RANBP17: variants seen among roughly 807,000 people sequenced by gnomAD.
The protein encoded by RANBP17 is RAN binding protein 17, also known as ran-binding protein 17.
RANBP17 carries 158 observed loss-of-function variants against 141.2 expected under a neutral mutation model. That is an observed-to-expected ratio of 1.12 (90% CI 0.98 to 1.28). The LOEUF is 1.28. RANBP17 is among the 50% of genes most tolerant of loss of function. RANBP17 has a pLI of 0.00. For missense variants in RANBP17, 1,438 were observed against 1,290.7 expected (o/e 1.11, Z -1.75); for synonymous variants, 430 against 450.0 (o/e 0.96, Z 0.56).
intron 21 of RANBP17, among the ~76,000 whole-genome samples, chr5:171,216,171 T>G (rs528810405): frequency 2.0e-5 from 3 of 152,290 alleles, no homozygotes; most frequent in African/African-American, 7.2e-5. Context: ...TTTTTCTCCA[T>G]TGGTTGTTAT....
intron 14 of RANBP17, among the ~76,000 whole-genome samples, chr5:171,052,762 G>C (rs1437787584): frequency 6.6e-6 from 1 of 152,176 alleles, no homozygotes; most frequent in Non-Finnish European, 1.5e-5. Flanking sequence ...AAATGCCATT[G>C]AATTTTGATA....
chr5:170,909,689 A>G lies in RANBP17; in HGVS notation c.518A>G (p.His173Arg), dbSNP rs759433007. 6.3e-7 allele frequency: 1 copy of G among 1,594,286 alleles called. No individual in the cohort carries two copies. Among genetic ancestry groups the G allele is most frequent in the Non-Finnish European group, 8.6e-7 (1 of 1,165,356 alleles). Residue 173 changes from histidine (H) to arginine (R), a missense_variant, in exon 6 of 28, where the codon CAC (histidine) becomes CGC (arginine). Transcript: ENST00000523189. The stretch of plus-strand genomic sequence containing the variant: ...GATTATTCTAGACCTTCAGCAAAAC[A>G]CAGGAAAATAGCTACCTCATTTCGT... Reference protein sequence around the residue: ...LVDYSRPSAKHRKIATSFRDT... With the variant: ...LVDYSRPSAKRRKIATSFRDT...
At chr5:171,094,935 A>T (rs1786569998) in intron 14 of RANBP17, among the ~76,000 whole-genome samples, 2 of 152,038 alleles carry the variant, frequency 1.3e-5, no homozygotes, top group East Asian at 1.9e-4. Context: ...AGGAGGTGGG[A>T]TCTAATAAGA....
intron 25 of RANBP17, among the ~76,000 whole-genome samples, chr5:171,285,846 T>C (rs370828905): frequency 6.6e-5 from 10 of 152,356 alleles, no homozygotes; most frequent in African/African-American, 2.4e-4. Flanking sequence ...CTGCTTTCAT[T>C]GTGATGTGTG....
intron 20 of RANBP17, chr5:171,206,857 T>C (rs533248434): frequency 3.0e-4 from 55 of 183,770 alleles, no homozygotes; most frequent in Middle Eastern, 2.1e-3. Context: ...AATTTTTATG[T>C]CATTGAGTAA....
intron 22 of RANBP17, among the ~76,000 whole-genome samples, chr5:171,237,579 G>A (rs1481580282): frequency 6.6e-6 from 1 of 152,170 alleles, no homozygotes; most frequent in East Asian, 1.9e-4. Context: ...TATGGCAAAT[G>A]TACTCAGTGG....
At chr5:171,063,919 C>T (rs1000478533) in intron 14 of RANBP17, among the ~76,000 whole-genome samples, 3 of 152,242 alleles carry the variant, frequency 2.0e-5, no homozygotes, top group Non-Finnish European at 2.9e-5. Flanking sequence ...TCTCAGACTG[C>T]TGTGCTAGCA....
chr5:171,012,100 T>TAAAC (rs1561986292), intron 14 of RANBP17, among the ~76,000 whole-genome samples: 2 of 151,698 alleles, frequency 1.3e-5, no homozygotes, highest in Admixed American at 6.6e-5. Flanking sequence ...TTTAAACAAA[T>TAAAC]AATACATTTG....
chr5:170,949,437 A>G (rs1561921177), intron 12 of RANBP17, among the ~76,000 whole-genome samples: 1 of 152,202 alleles, frequency 6.6e-6, no homozygotes, highest in Non-Finnish European at 1.5e-5. Context: ...ACATTTCTCC[A>G]AAGAAGACAC....
chr5:171,006,569 G>A (rs778957549), intron 14 of RANBP17, among the ~76,000 whole-genome samples: 6 of 152,110 alleles, frequency 3.9e-5, no homozygotes, highest in Non-Finnish European at 8.8e-5. Context: ...ACACAGGAAG[G>A]GGAACATCAC....
chr5:170,914,713 GTTAT>G (rs1490847185), intron 8 of RANBP17, among the ~76,000 whole-genome samples: 3 of 152,106 alleles, frequency 2.0e-5, no homozygotes, highest in Admixed American at 6.6e-5. Flanking sequence ...CATCAAGCCA[GTTAT>G]TTATTTATTT....
chr5:170,874,092 T>C (rs2127334926), intron 1 of RANBP17, among the ~76,000 whole-genome samples: 1 of 152,340 alleles, frequency 6.6e-6, no homozygotes, highest in Non-Finnish European at 1.5e-5. Flanking sequence ...TGCGTTAATT[T>C]CATTATTTAC....
chr5:171,283,392 C>A (rs58202829), intron 25 of RANBP17, among the ~76,000 whole-genome samples: 1 of 152,170 alleles, frequency 6.6e-6, no homozygotes, highest in East Asian at 1.9e-4. Context: ...CTATTCCCAA[C>A]GCTTTCAGTC....
At chr5:171,093,475 A>G (rs962899301) in intron 14 of RANBP17, among the ~76,000 whole-genome samples, 4 of 152,318 alleles carry the variant, frequency 2.6e-5, no homozygotes, top group Admixed American at 2.6e-4. Context: ...CCTCTCTACC[A>G]GAAAAACAAT....
chr5:170,965,644 A>T (rs1342728294), intron 13 of RANBP17, among the ~76,000 whole-genome samples: 1 of 152,146 alleles, frequency 6.6e-6, no homozygotes, highest in Non-Finnish European at 1.5e-5. Flanking sequence ...AGCACCATTT[A>T]TTAAATAGGG....
intron 14 of RANBP17, among the ~76,000 whole-genome samples, chr5:171,088,774 A>C (rs868567498): frequency 2.0e-5 from 3 of 152,046 alleles, no homozygotes; most frequent in Non-Finnish European, 2.9e-5. Flanking sequence ...AGGCTTCTGC[A>C]TTCTTCACGT....
chr5:171,057,076 A>G (rs1004727220), intron 14 of RANBP17, among the ~76,000 whole-genome samples: 4 of 152,174 alleles, frequency 2.6e-5, no homozygotes, highest in African/African-American at 9.6e-5. Context: ...GTATGACCTT[A>G]AGGTAAGATT....
intron 24 of RANBP17, among the ~76,000 whole-genome samples, chr5:171,247,140 C>G (rs1467564794): frequency 6.6e-6 from 1 of 152,140 alleles, no homozygotes; most frequent in Non-Finnish European, 1.5e-5. Context: ...AGTGAATGAC[C>G]TAGGAATCAT....
chr5:171,130,494 T>G (rs563776951), intron 14 of RANBP17, among the ~76,000 whole-genome samples: 104 of 129,806 alleles, frequency 8.0e-4, no homozygotes, highest in Non-Finnish European at 1.4e-3. Context: ...TGGAGTGCAA[T>G]GGCATGATCT....
Sources: gnomAD v4.1 joint callset for allele counts (sites outside exome capture counted in the v4.1 genomes callset) on GRCh38, gnomAD v4.1.1 for gene constraint, MANE v1.5 for transcripts, NCBI Gene and HGNC (gene_info 2026-07-23, HGNC 2026-07-21) for gene names.